The following ITGAV variants were observed in gnomAD, a reference collection of about 807,000 sequenced individuals.
ITGAV encodes integrin subunit alpha V.
ITGAV carries 76 observed loss-of-function variants against 143.8 expected under a neutral mutation model. That is an observed-to-expected ratio of 0.53 (90% CI 0.44 to 0.64). The LOEUF (loss-of-function observed/expected upper bound fraction) is 0.64. Among genes scored for constraint, ITGAV ranks in the 30% least tolerant of loss-of-function variants. ITGAV has a pLI of 0.00. For missense variants in ITGAV, 1,193 were observed against 1,274.7 expected, an observed-to-expected ratio of 0.94 and a Z score of 0.98; for synonymous variants, 453 against 446.7, an observed-to-expected ratio of 1.01 and a Z score of -0.18.
At position 186,665,167 on chromosome 2, in the gene ITGAV, A is replaced by G. The variant is rs753486345; in HGVS notation, c.2115A>G (p.Gln705=). The change falls in exon 21 of 30, where the codon CAA becomes CAG. Residue 705 remains glutamine (Q), a synonymous_variant. Transcript: ENST00000261023. ...RLSCAFKTEN[Q]TRQVVCDLGN... ...CCTGTGCATTTAAGACAGAAAACCA[A>G]ACTCGCCAGGTGGTATGTGACCTTG... 2 of 1,613,070 alleles carry G rather than the reference A, an allele frequency of 1.2e-6. No homozygotes were observed. Among genetic ancestry groups the G allele is most frequent in the Non-Finnish European group, 8.5e-7 (1 of 1,179,730 alleles).
chr2:186,665,932 A>G (rs1247063350), intron 21 of ITGAV, among the ~76,000 whole-genome samples: 1 of 152,210 alleles, frequency 6.6e-6, no homozygotes, highest in African/African-American at 2.4e-5. Context: ...TAGGGATGAG[A>G]ACTTGAACAA....
At position 186,641,440 on chromosome 2, in the gene ITGAV, C is replaced by T; in HGVS notation, c.1011C>T (p.Gly337=). The change falls in exon 12 of 30, where the codon GGC becomes GGT. Residue 337 remains glycine (G), a synonymous_variant. Coordinates refer to ENST00000261023, the MANE Select transcript of ITGAV (RefSeq NM_002210.5). ...APLFMDRGSD[G]KLQEVGQVSV... is the part of the protein sequence containing the mutation. Reference sequence around the variant, plus strand: ...TCTTCATGGATCGTGGCTCTGATGGCAAACTCCAAGAGGTGGGGCAGGTCT... The same window carrying T: ...TCTTCATGGATCGTGGCTCTGATGGTAAACTCCAAGAGGTGGGGCAGGTCT... 3 of 1,614,130 alleles carry T rather than the reference C, an allele frequency of 1.9e-6. No individual in the cohort carries two copies. The highest frequency in any genetic ancestry group is 2.5e-6 in the Non-Finnish European group (3 of 1,180,004).
chr2:186,621,387 A>C (rs562470573), intron 2 of ITGAV, among the ~76,000 whole-genome samples: 1 of 152,264 alleles, frequency 6.6e-6, no homozygotes, highest in African/African-American at 2.4e-5. Context: ...TATAGTCATC[A>C]CATGTTAGAA....
chr2:186,657,469 G>GTGA (rs1245850313), intron 17 of ITGAV, among the ~76,000 whole-genome samples: 1 of 152,170 alleles, frequency 6.6e-6, no homozygotes, highest in Non-Finnish European at 1.5e-5. Flanking sequence ...ATTGGGAAGT[G>GTGA]TGATTTTTAA....
intron 6 of ITGAV, among the ~76,000 whole-genome samples, chr2:186,634,257 A>G (rs1255691699): frequency 1.3e-5 from 2 of 148,980 alleles, no homozygotes; most frequent in African/African-American, 4.9e-5. Context: ...GAGATACACA[A>G]TTATTTATCT....
Position 186,664,620 on chromosome 2 carries a change from C to A in ITGAV, c.2052C>A (p.Ile684=). The A allele has an allele frequency of 6.2e-7, 1 of 1,613,984 alleles. No homozygotes were observed. Among genetic ancestry groups the A allele is most frequent in the Non-Finnish European group, 8.5e-7 (1 of 1,179,910 alleles). The stretch of plus-strand genomic sequence containing the variant: ...CCATTCCACTGCAGGCTGATTTCAT[C>A]GGGGTTGTCCGAAACAATGAAGTAA... ...IVSIPLQADF[I]GVVRNNEALA... The change falls in exon 20 of 30, where the codon ATC becomes ATA. Residue 684 remains isoleucine (I), a synonymous_variant. Transcript: ENST00000261023.
In ITGAV at chr2:186,650,845, C is replaced by T. The variant is rs547192301; in HGVS notation, c.1397+960C>T. Among the ~76,000 whole-genome samples the T allele has an allele frequency of 1.1e-4, 16 of 152,206 alleles. No homozygotes were observed. In the East Asian group the frequency reaches 2.3e-3, roughly 22 times the overall value. On this transcript the variant is annotated intron_variant, in intron 14 of 29. Coordinates refer to ENST00000261023, the MANE Select transcript of ITGAV (RefSeq NM_002210.5). The stretch of plus-strand genomic sequence containing the variant: ...GATTACAGGTGTGAGCCACTATGCC[C>T]GCCCCTTCTTTGTCTTTTAAATTAT...
chr2:186,595,705 A>G (rs774292838), intron 1 of ITGAV, among the ~76,000 whole-genome samples: 1 of 151,542 alleles, frequency 6.6e-6, no homozygotes, highest in Non-Finnish European at 1.5e-5. Flanking sequence ...AAAAATGTTG[A>G]GGATGGGGAT....
chr2:186,602,020 G>C lies in ITGAV; in HGVS notation c.186-1G>C. The C allele has an allele frequency of 1.2e-6, 2 of 1,605,590 alleles. No homozygotes were observed. Among genetic ancestry groups the C allele is most frequent in the Non-Finnish European group, 1.7e-6 (2 of 1,176,732 alleles). ...TTTGGTCTGCCGCTTTTGTATTTTAGCCGGATGTTTCTTCTCGTGGGAGCT... is the reference window on the plus strand; with the variant it reads ...TTTGGTCTGCCGCTTTTGTATTTTACCCGGATGTTTCTTCTCGTGGGAGCT... On this transcript the variant is annotated splice_acceptor_variant, in intron 1 of 29. Coordinates refer to ENST00000261023, the MANE Select transcript of ITGAV (RefSeq NM_002210.5). LOFTEE classifies it high-confidence loss of function.
At chr2:186,611,719 C>G (rs902264499) in intron 2 of ITGAV, among the ~76,000 whole-genome samples, 2 of 152,156 alleles carry the variant, frequency 1.3e-5, no homozygotes, top group Non-Finnish European at 2.9e-5. Context: ...ATTTCCCCAT[C>G]TGTCAAATAA....
intron 19 of ITGAV, 38 bp from the exon 20 acceptor site, chr2:186,664,446 CCATGTAGTCT>C: frequency 1.3e-6 from 2 of 1,566,900 alleles, no homozygotes; most frequent in Non-Finnish European, 1.7e-6. Flanking sequence ...CATACTTTCC[CCATGTAGTCT>C]TTTTTTCTCA....
At chr2:186,619,127 A>T (rs367613551) in intron 2 of ITGAV, among the ~76,000 whole-genome samples, 2 of 143,882 alleles carry the variant, frequency 1.4e-5, no homozygotes, top group Admixed American at 7.1e-5. Context: ...ATATATATAT[A>T]TTTAGTGTGT....
intron 2 of ITGAV, among the ~76,000 whole-genome samples, chr2:186,614,943 A>G (rs968587858): frequency 2.6e-5 from 4 of 152,150 alleles, no homozygotes; most frequent in Non-Finnish European, 5.9e-5. Context: ...TTTTGTAACT[A>G]TTACTACAGT....
chr2:186,606,818 A>G (rs548864107), intron 2 of ITGAV, among the ~76,000 whole-genome samples: 2 of 152,164 alleles, frequency 1.3e-5, no homozygotes, highest in East Asian at 3.9e-4. Flanking sequence ...CACCGACCCA[A>G]CCCAGCAGTG....
At chr2:186,590,644 A>G (rs1015539049) in intron 1 of ITGAV, 121 bp downstream of exon 1, 11 of 891,388 alleles carry the variant, frequency 1.2e-5, no homozygotes, top group African/African-American at 1.0e-4. Flanking sequence ...CACCCATCCT[A>G]CCTCTCAGAG....
intron 28 of ITGAV, chr2:186,676,212 A>G (rs1411026451): frequency 7.7e-6 from 2 of 259,156 alleles, no homozygotes; most frequent in Non-Finnish European, 1.4e-5. Flanking sequence ...ACAAAGTTAG[A>G]AAGTTGGAAA....
intron 1 of ITGAV, among the ~76,000 whole-genome samples, chr2:186,601,141 T>G (rs1203822433): frequency 1.3e-5 from 2 of 152,136 alleles, no homozygotes; most frequent in Non-Finnish European, 2.9e-5. Flanking sequence ...TGTCTTTGGT[T>G]TATTTTACCT....
rs779822059 is a variant in ITGAV, at chr2:186,649,889, A to G, written c.1397+4A>G. ...TAGATCGAGCTATCTTATACAGGTG[A>G]GCATTTTCTGTATCCTGCGGTATAG... On this transcript the variant is annotated splice_donor_region_variant and intron_variant, in intron 14 of 29. Coordinates refer to ENST00000261023, the MANE Select transcript of ITGAV (RefSeq NM_002210.5). 1.4e-6 allele frequency: 2 copies of G among 1,410,516 alleles called. No individual in the cohort carries two copies. The highest frequency in any genetic ancestry group is 3.0e-5 in the South Asian group (2 of 67,258). The allele number at this position is 1,410,516 out of a possible 1,614,324, so 87.4% of individuals were successfully genotyped here. A position where few individuals can be genotyped will look rare whatever the true frequency, so the allele number is the denominator to read the frequency against.
intron 20 of ITGAV, 123 bp downstream of exon 20, chr2:186,664,764 A>ACTCC: frequency 6.1e-6 from 7 of 1,141,490 alleles, no homozygotes; most frequent in Non-Finnish European, 8.9e-6. Flanking sequence ...ATTGATAGAC[A>ACTCC]ATGGAGTGCC....
Sources: gnomAD v4.1 joint callset for allele counts (sites outside exome capture counted in the v4.1 genomes callset) on GRCh38, gnomAD v4.1.1 for gene constraint, MANE v1.5 for transcripts, NCBI Gene and HGNC (gene_info 2026-07-23, HGNC 2026-07-21) for gene names.